DST: variants seen among roughly 807,000 people sequenced by gnomAD.
DST encodes bullous pemphigoid antigen.
DST carries 253 observed loss-of-function variants against 875.2 expected under a neutral mutation model. The ratio of observed to expected loss-of-function variants is 0.29; its 90% CI spans 0.26 to 0.32. The LOEUF is 0.32. Ranked by LOEUF, DST falls within the 10% of genes least tolerant of loss-of-function variation. The probability of loss-of-function intolerance (pLI) is 1.00; values close to 1 mark genes in which losing one functional copy is unlikely to be tolerated. For missense variants in DST, 8,287 were observed against 9,111.6 expected, an observed-to-expected ratio of 0.91 and a Z score of 3.68; for synonymous variants, 3,124 against 3,197.1, an observed-to-expected ratio of 0.98 and a Z score of 0.77.
Position 56,497,278 on chromosome 6 carries a change from A to T in DST, c.20223+101T>A, listed in dbSNP as rs1297375304. ...CACAGTGATTTCTGCCATAAACTAT[A>T]TCTTTAAAGCCTTCTCCCACGATTT... On this transcript the variant is annotated intron_variant, in intron 82 of 103. Transcript: ENST00000680361. 5.1e-6 allele frequency: 7 copies of T among 1,360,888 alleles called. No homozygotes were observed. In the East Asian group the frequency reaches 9.4e-5, roughly 18 times the overall value. The allele number at this position is 1,360,888 out of a possible 1,614,324, so 84.3% of individuals were successfully genotyped here. A position where few individuals can be genotyped will look rare whatever the true frequency, so the allele number is the denominator to read the frequency against.
chr6:56,700,035 G>A (rs981100163), intron 8 of DST, among the ~76,000 whole-genome samples: 1 of 152,192 alleles, frequency 6.6e-6, no homozygotes, highest in African/African-American at 2.4e-5. Flanking sequence ...ATGGCAGCAG[G>A]TTAGCAGCGG....
intron 9 of DST, among the ~76,000 whole-genome samples, chr6:56,677,957 TA>T (rs1188453097): frequency 6.6e-6 from 1 of 152,192 alleles, no homozygotes; most frequent in Non-Finnish European, 1.5e-5. Flanking sequence ...CCCATGGCAA[TA>T]ACTAAAATTC....
At position 56,573,905 on chromosome 6, in the gene DST, G is replaced by A; in HGVS notation, c.13028-18C>T. 6.3e-7 allele frequency: 1 copy of A among 1,581,570 alleles called. No individual in the cohort carries two copies. Among genetic ancestry groups the A allele is most frequent in the Non-Finnish European group, 8.7e-7 (1 of 1,154,592 alleles). ...AATGTCATCTACTCCAAACAGATCAGGAATATTAACCACAAAGTTCTCTTT... is the reference window on the plus strand; with the variant it reads ...AATGTCATCTACTCCAAACAGATCAAGAATATTAACCACAAAGTTCTCTTT... On this transcript the variant is annotated intron_variant, in intron 50 of 103. Coordinates refer to ENST00000680361, the MANE Select transcript of DST (RefSeq NM_001374736.1).
chr6:56,568,556 G>C lies in DST; in HGVS notation c.13918C>G (p.Gln4640Glu), dbSNP rs1304529541. 6.2e-7 allele frequency: 1 copy of C among 1,611,786 alleles called. No individual in the cohort carries two copies. Among genetic ancestry groups the C allele is most frequent in the African/African-American group, 1.3e-5 (1 of 74,988 alleles). ...GAGATCCCACTGTTGTTTACTTTCT[G>C]AATCTCTGGTGTTTTTAAACTCCAC... ...EKWSLKTPEI[Q>E]KVNNSGISLC... Residue 4640 changes from glutamine to glutamate, a missense_variant, in exon 55 of 104, where the codon CAG (glutamine) becomes GAG (glutamate). Around this residue, in one of 10 missense-constraint regions of DST, gnomAD observed 1,513 missense variants for 1,677.8 expected, o/e 0.90. Transcript: ENST00000680361.
intron 4 of DST, among the ~76,000 whole-genome samples, chr6:56,782,642 C>A (rs2099696467): frequency 6.6e-6 from 1 of 152,068 alleles, no homozygotes; most frequent in Admixed American, 6.5e-5. Flanking sequence ...TGCTAGCGGT[C>A]TATCAATTTT....
At chr6:56,539,071 G>C (rs2097071990) in intron 61 of DST, among the ~76,000 whole-genome samples, 1 of 152,222 alleles carries the variant, frequency 6.6e-6, no homozygotes, top group African/African-American at 2.4e-5. Flanking sequence ...CCAGGAACTT[G>C]TAAATAAACA....
Position 56,631,993 on chromosome 6 carries a change from T to C in DST, c.3853A>G (p.Asn1285Asp), listed in dbSNP as rs201419873. The change falls in exon 29 of 104, where the codon AAC (asparagine) becomes GAC (aspartate). Residue 1285 changes from asparagine (N) to aspartate (D), a missense_variant. Physicochemically the swap from Asn to Asp is conservative, Grantham distance 23. Around this residue, in one of 10 missense-constraint regions of DST, gnomAD observed 3,138 missense variants for 3,116.6 expected, o/e 1.01. Transcript: ENST00000680361. The part of the protein sequence containing the change: ...VYNLYISEVR[N>D]IRLRLENCED... ...CAGTTCTCTAACCGAAGTCTAATGT[T>C]TCGAACTTCAGAGATGTAGAGATTA... is the stretch of plus-strand genomic sequence containing the variant. 170 of 1,613,598 alleles carry C rather than the reference T, an allele frequency of 1.1e-4. 1 individual carries two copies. The highest frequency in any genetic ancestry group is 2.1e-5 in the Non-Finnish European group (25 of 1,179,626).
At chr6:56,476,604 T>C (rs888071844) in intron 91 of DST, among the ~76,000 whole-genome samples, 1 of 152,224 alleles carries the variant, frequency 6.6e-6, no homozygotes, top group Non-Finnish European at 1.5e-5. Flanking sequence ...AGTTCAAATA[T>C]GCATTCTCTG....
intron 69 of DST, among the ~76,000 whole-genome samples, chr6:56,525,409 C>T (rs78515153): frequency 0.011 from 1,716 of 152,262 alleles, 45 homozygotes; most frequent in African/African-American, 0.04. Context: ...GCTATCACTG[C>T]ATTTCATCAG....
intron 2 of DST, among the ~76,000 whole-genome samples, chr6:56,947,250 CT>C (rs34159658): frequency 0.11 from 15,030 of 135,356 alleles, 1,150 homozygotes; most frequent in African/African-American, 0.22. Context: ...GCTACTCTCT[CT>C]TTTTTTTTTT....
chr6:56,950,797 A>G (rs1337715890), intron 2 of DST, among the ~76,000 whole-genome samples: 1 of 152,236 alleles, frequency 6.6e-6, no homozygotes, highest in East Asian at 1.9e-4. Flanking sequence ...GCTATTTATG[A>G]ACATTTAGAA....
intron 9 of DST, among the ~76,000 whole-genome samples, chr6:56,683,867 C>T (rs2099168423): frequency 6.6e-6 from 1 of 152,178 alleles, no homozygotes; most frequent in African/African-American, 2.4e-5. Context: ...CAATGAGAAC[C>T]TAGTGTCAAG....
chr6:56,471,268 G>T lies in DST; in HGVS notation c.22159C>A (p.Leu7387Met), dbSNP rs1004714521. ...LNDALDRLEELREFANFDFDI... is the reference protein window; with the variant it reads ...LNDALDRLEEMREFANFDFDI... ...AAATCAAAGTTAGCAAATTCCCTCA[G>T]CTAAAAGGACAAAAAGTATTTTGAT... Residue 7387 changes from leucine to methionine, a missense_variant and splice_region_variant, in exon 95 of 104, where the codon CTG (leucine) becomes ATG (methionine). By Grantham distance (15) the Leu-to-Met change is conservative. Coordinates refer to ENST00000680361, the MANE Select transcript of DST (RefSeq NM_001374736.1). The T allele has an allele frequency of 6.3e-6, 10 of 1,576,450 alleles. No individual in the cohort carries two copies. Among genetic ancestry groups the T allele is most frequent in the Non-Finnish European group, 8.6e-6 (10 of 1,159,740 alleles).
chr6:56,801,802 C>A (rs533669156), intron 4 of DST, among the ~76,000 whole-genome samples: 3 of 144,598 alleles, frequency 2.1e-5, no homozygotes, highest in East Asian at 4.0e-4. Context: ...CAGGCCGGAG[C>A]GCGATGGTAT....
rs2099320938 is a variant in DST at position 56,703,756 on chromosome 6, A to G, written c.778-10T>C. The G allele has an allele frequency of 6.2e-6, 6 of 965,814 alleles. No homozygotes were observed. The highest frequency in any genetic ancestry group is 4.8e-5 in the South Asian group (1 of 20,910). 59.8% of individuals were successfully genotyped at this position (965,814 alleles called of 1,614,324 possible). ...AATCTCGCTCCCTTGGCTAATGAAT[A>G]TAACAGACAGAAGATAGGACAGCAA... On this transcript the variant is annotated splice_polypyrimidine_tract_variant and intron_variant, in intron 6 of 103. Transcript: ENST00000680361.
intron 97 of DST, among the ~76,000 whole-genome samples, chr6:56,469,609 C>A (rs2152393652): frequency 6.6e-6 from 1 of 152,064 alleles, no homozygotes; most frequent in Middle Eastern, 3.4e-3. Flanking sequence ...TATGAAGCAA[C>A]CTAAATATAT....
At chr6:56,933,312 T>C (rs1165251840) in intron 2 of DST, among the ~76,000 whole-genome samples, 5 of 152,244 alleles carry the variant, frequency 3.3e-5, no homozygotes, top group African/African-American at 1.2e-4. Context: ...CCTCTGCATA[T>C]TGATTTATGA....
At chr6:56,611,441 G>C in intron 38 of DST, 67 bp downstream of exon 38, 1 of 1,118,876 alleles carries the variant, frequency 8.9e-7, no homozygotes, top group Non-Finnish European at 1.3e-6. Flanking sequence ...TACCACCTCT[G>C]TTTTGCTGAA....
At chr6:56,926,024 T>C (rs1047990439) in intron 2 of DST, among the ~76,000 whole-genome samples, 3 of 152,190 alleles carry the variant, frequency 2.0e-5, no homozygotes, top group Non-Finnish European at 4.4e-5. Context: ...AGTAAGCAGA[T>C]GTAGAAAGTG....
Sources: gnomAD v4.1 joint callset for allele counts (sites outside exome capture counted in the v4.1 genomes callset) on GRCh38, gnomAD v4.1.1 for gene constraint, gnomAD v4.1.1 regional missense constraint, MANE v1.5 for transcripts, NCBI Gene and HGNC (gene_info 2026-07-23, HGNC 2026-07-21) for gene names.